ANKS1A: variants seen among roughly 807,000 people sequenced by gnomAD.
The protein encoded by ANKS1A is ankyrin repeat and sterile alpha motif domain containing 1A.
ANKS1A carries 55 observed loss-of-function variants against 120.3 expected under a neutral mutation model. That is an observed-to-expected ratio of 0.46 (90% CI 0.37 to 0.57). The LOEUF (loss-of-function observed/expected upper bound fraction) is 0.57, where lower values mean the gene tolerates loss of function less well. Among genes scored for constraint, ANKS1A ranks in the 20% least tolerant of loss-of-function variants. The pLI is 0.00. For synonymous variants in ANKS1A, 590 were observed against 604.7 expected, an observed-to-expected ratio of 0.98 and a Z score of 0.36; for missense variants, 1,123 against 1,480.3, an observed-to-expected ratio of 0.76 and a Z score of 3.96.
chr6:34,950,162 A>G (rs1770000271), intron 1 of ANKS1A, among the ~76,000 whole-genome samples: 1 of 151,812 alleles, frequency 6.6e-6, no homozygotes, highest in Admixed American at 6.6e-5. Flanking sequence ...CGTGGGTGAC[A>G]GTGAGACCCT....
chr6:35,050,679 C>T lies in ANKS1A; in HGVS notation c.2011-3420C>T, dbSNP rs569335221. Among the ~76,000 whole-genome samples the T allele has an allele frequency of 2.6e-5, 4 of 152,314 alleles. No homozygotes were observed. The highest frequency in any genetic ancestry group is 2.1e-4 in the South Asian group (1 of 4,820). On this transcript the variant is annotated intron_variant, in intron 11 of 23. Transcript: ENST00000360359. The surrounding 1 kb of genome is among the most constrained non-coding windows in gnomAD (Gnocchi z 4.3). ...TGAGGCAAGGAGAGAAGATGAGCTC[C>T]GGCTTCTCCCCATCTGCACAGCTCA... is the stretch of plus-strand genomic sequence containing the variant.
intron 1 of ANKS1A, among the ~76,000 whole-genome samples, chr6:34,942,784 G>T (rs1769594661): frequency 2.0e-5 from 3 of 151,502 alleles, no homozygotes; most frequent in Non-Finnish European, 4.4e-5. Flanking sequence ...AATAGACTTG[G>T]TTTTTTTAGA....
intron 11 of ANKS1A, among the ~76,000 whole-genome samples, chr6:35,034,072 C>T (rs545597088): frequency 1.3e-5 from 2 of 152,246 alleles, no homozygotes; most frequent in South Asian, 4.2e-4. Context: ...GTTTGCTGTG[C>T]CCTTTTTACC....
chr6:34,897,479 C>T (rs1767147660), intron 1 of ANKS1A, among the ~76,000 whole-genome samples: 1 of 152,180 alleles, frequency 6.6e-6, no homozygotes, highest in South Asian at 2.1e-4. Context: ...TAAGGAAACC[C>T]CAGAAGTAGA....
In ANKS1A at chr6:35,089,085, T is replaced by C. The variant is rs57111149; in HGVS notation, c.*476T>C. ...GGTCGGAAGAGAAGGCGGTGGCCTG[T>C]GGGTGAGGGGAACGGAGCAGGCTCA... On this transcript the variant is annotated 3_prime_UTR_variant, in exon 24 of 24. Coordinates refer to ENST00000360359, the MANE Select transcript of ANKS1A (RefSeq NM_015245.3). 169,118 of 1,046,338 alleles carry C rather than the reference T, an allele frequency of 0.16. 14,783 individuals carry two copies. Among genetic ancestry groups the C allele is most frequent in the African/African-American group, 0.29 (17,733 of 60,202 alleles). The allele number at this position is 1,046,338 out of a possible 1,614,324, so 64.8% of individuals were successfully genotyped here. A position where few individuals can be genotyped will look rare whatever the true frequency, so the allele number is the denominator to read the frequency against.
chr6:34,971,117 A>G (rs944359513), intron 3 of ANKS1A, among the ~76,000 whole-genome samples: 3 of 152,256 alleles, frequency 2.0e-5, no homozygotes, highest in African/African-American at 7.2e-5. Context: ...CAGAACTTGC[A>G]GCAGTATAAG....
Position 34,982,634 on chromosome 6 carries a change from G to A in ANKS1A, c.733-118G>A, listed in dbSNP as rs1771960970. 1 of 1,007,524 alleles carries A rather than the reference G, an allele frequency of 9.9e-7. No homozygotes were observed. The highest frequency in any genetic ancestry group is 1.6e-5 in the African/African-American group (1 of 62,996). The allele number at this position is 1,007,524 out of a possible 1,614,324, so 62.4% of individuals were successfully genotyped here. ...GAAAAGCTGGAAAGATAATGACAGAGGGCTTTGTGTAGTTTGTTTTATTTT... is the reference window on the plus strand; with the variant it reads ...GAAAAGCTGGAAAGATAATGACAGAAGGCTTTGTGTAGTTTGTTTTATTTT... On this transcript the variant is annotated intron_variant, in intron 4 of 23. Coordinates refer to ENST00000360359, the MANE Select transcript of ANKS1A (RefSeq NM_015245.3). This position sits in a 1 kb window ranked among gnomAD's most constrained non-coding sequence, Gnocchi z 4.9.
rs80262969 is a variant in ANKS1A, at chr6:34,969,663, G to A, written c.279-347G>A. Among the ~76,000 whole-genome samples the A allele has an allele frequency of 3.0e-4, 45 of 152,292 alleles. No individual in the cohort carries two copies. The East Asian group carries it at 7.9e-3, about 27-fold the overall frequency. On this transcript the variant is annotated intron_variant, in intron 2 of 23. Transcript: ENST00000360359. ...ATTTGTCTTGTATGATTACTTTTAT[G>A]TAAATTCAACACTTGAATGCTGTTT...
chr6:34,969,132 GA>G (rs1024638982), intron 2 of ANKS1A, among the ~76,000 whole-genome samples: 1 of 152,164 alleles, frequency 6.6e-6, no homozygotes, highest in African/African-American at 2.4e-5. Context: ...CATTCATAGG[GA>G]TAATTATATA....
chr6:35,083,024 C>A, intron 18 of ANKS1A, 131 bp from the exon 19 acceptor site: 1 of 1,305,424 alleles, frequency 7.7e-7, no homozygotes, highest in Non-Finnish European at 1.1e-6. Context: ...GTCTCTCCAG[C>A]TGGGGCAGGA....
At chr6:35,017,098 C>T (rs180870268) in intron 10 of ANKS1A, among the ~76,000 whole-genome samples, 2 of 152,228 alleles carry the variant, frequency 1.3e-5, no homozygotes, top group Non-Finnish European at 2.9e-5. Flanking sequence ...GCTTCATGTT[C>T]ACTCACTCTG....
In ANKS1A at chr6:35,060,336, A is replaced by G; in HGVS notation, c.2184+83A>G. 1 of 1,208,336 alleles carries G rather than the reference A, an allele frequency of 8.3e-7. No homozygotes were observed. Among genetic ancestry groups the G allele is most frequent in the South Asian group, 1.3e-5 (1 of 75,914 alleles). The allele number at this position is 1,208,336 out of a possible 1,614,324, so 74.9% of individuals were successfully genotyped here. A position where few individuals can be genotyped will look rare whatever the true frequency, so the allele number is the denominator to read the frequency against. On this transcript the variant is annotated intron_variant, in intron 13 of 23. Coordinates refer to ENST00000360359, the MANE Select transcript of ANKS1A (RefSeq NM_015245.3). This position sits in a 1 kb window ranked among gnomAD's most constrained non-coding sequence, Gnocchi z 4.5. ...CTGGCCTCCCCTCTGGCCCCACAGG[A>G]GTCTGCAACAGTACGTAGACCCAAA... is the stretch of plus-strand genomic sequence containing the variant.
chr6:34,935,243 C>T lies in ANKS1A; in HGVS notation c.198-31996C>T, dbSNP rs564130829. Among the ~76,000 whole-genome samples, 4 of 152,310 alleles carry T rather than the reference C, an allele frequency of 2.6e-5. 1 individual carries two copies. The South Asian group carries it at 8.3e-4, about 32-fold the overall frequency. The stretch of plus-strand genomic sequence containing the variant: ...CTGGGACTACAGGCATGCATTGCCA[C>T]ACCTAGCTAACTTTTGAAATTTTTG... On this transcript the variant is annotated intron_variant, in intron 1 of 23. Transcript: ENST00000360359.
intron 13 of ANKS1A, among the ~76,000 whole-genome samples, chr6:35,064,590 T>C (rs1776673010): frequency 1.3e-5 from 2 of 152,332 alleles, no homozygotes; most frequent in Admixed American, 6.5e-5. Flanking sequence ...TCCCTTCCTG[T>C]TCCTGTCCCC....
intron 10 of ANKS1A, among the ~76,000 whole-genome samples, chr6:35,014,149 A>G (rs143072299): frequency 2.6e-5 from 4 of 152,314 alleles, no homozygotes; most frequent in African/African-American, 4.8e-5. Flanking sequence ...GGAAGAAACC[A>G]TTGAGTAATT....
chr6:35,073,776 A>T (rs1451383012), intron 13 of ANKS1A, among the ~76,000 whole-genome samples: 1 of 152,118 alleles, frequency 6.6e-6, no homozygotes, highest in Non-Finnish European at 1.5e-5. Context: ...TTCCCCCATG[A>T]CCCTCCTTGT....
Position 35,082,908 on chromosome 6 carries a change from G to A in ANKS1A, c.2835+92G>A. 6.5e-7 allele frequency: 1 copy of A among 1,538,642 alleles called. No individual in the cohort carries two copies. The highest frequency in any genetic ancestry group is 8.7e-7 in the Non-Finnish European group (1 of 1,144,984). On this transcript the variant is annotated intron_variant, in intron 18 of 23. Coordinates refer to ENST00000360359, the MANE Select transcript of ANKS1A (RefSeq NM_015245.3). This position sits in a 1 kb window ranked among gnomAD's most constrained non-coding sequence, Gnocchi z 4.1. The stretch of plus-strand genomic sequence containing the variant: ...CAAGTCCCAGCAGGGACTCCACAAA[G>A]CCAGGCCCAGGGCTTTTGAGCTGTT...
chr6:35,054,255 T>G, intron 12 of ANKS1A, 90 bp downstream of exon 12: 1 of 1,272,946 alleles, frequency 7.9e-7, no homozygotes, highest in Non-Finnish European at 1.1e-6. Context: ...AAGACAGACA[T>G]TCAGTGGGTG....
chr6:35,070,042 A>G (rs1028888700), intron 13 of ANKS1A, among the ~76,000 whole-genome samples: 10 of 150,594 alleles, frequency 6.6e-5, no homozygotes, highest in African/African-American at 2.2e-4. Context: ...AAAAAAAAAA[A>G]AGAGACTGGG....
Sources: allele counts gnomAD v4.1 joint callset (sites outside exome capture counted in the v4.1 genomes callset), GRCh38; gene constraint gnomAD v4.1.1; non-coding constraint Gnocchi (gnomAD v3.1); transcripts MANE v1.5; gene names NCBI Gene and HGNC (gene_info 2026-07-23, HGNC 2026-07-21).